The following EGFLAM variants were observed in gnomAD, a reference collection of about 807,000 sequenced individuals.
EGFLAM encodes pikachurin.
In EGFLAM, 79 loss-of-function variants were observed where a neutral mutation model predicts 113.1. The ratio of observed to expected loss-of-function variants is 0.70; its 90% CI spans 0.58 to 0.84. The LOEUF is 0.84. Among genes scored for constraint, EGFLAM ranks in the 40% least tolerant of loss-of-function variants. The probability of loss-of-function intolerance (pLI) is 0.00; values close to 1 mark genes in which losing one functional copy is unlikely to be tolerated. For missense variants in EGFLAM, 1,265 were observed against 1,291.6 expected, an observed-to-expected ratio of 0.98 and a Z score of 0.32; for synonymous variants, 504 against 487.6, an observed-to-expected ratio of 1.03 and a Z score of -0.44.
At chr5:38,302,239 A>G (rs1349504011) in intron 1 of EGFLAM, among the ~76,000 whole-genome samples, 1 of 147,870 alleles carries the variant, frequency 6.8e-6, no homozygotes, top group Non-Finnish European at 1.5e-5. Context: ...TCCATCTCAA[A>G]AAAAAAAAAA....
At chr5:38,290,113 G>A (rs1291755439) in intron 1 of EGFLAM, among the ~76,000 whole-genome samples, 1 of 152,110 alleles carries the variant, frequency 6.6e-6, no homozygotes, top group Non-Finnish European at 1.5e-5. Flanking sequence ...ATGAAGACTT[G>A]GGTGCCAGGA....
intron 18 of EGFLAM, among the ~76,000 whole-genome samples, chr5:38,449,668 G>A (rs763765495): frequency 9.4e-5 from 14 of 149,622 alleles, no homozygotes; most frequent in Admixed American, 5.3e-4. Flanking sequence ...GTGTGTGTGC[G>A]CATGCATGTG....
chr5:38,385,888 C>T (rs1378009367), intron 6 of EGFLAM, among the ~76,000 whole-genome samples: 1 of 152,178 alleles, frequency 6.6e-6, no homozygotes, highest in African/African-American at 2.4e-5. Flanking sequence ...TAGAGTTGTA[C>T]TTAGACAAAC....
chr5:38,366,610 A>C (rs528361648), intron 5 of EGFLAM, among the ~76,000 whole-genome samples: 1 of 152,306 alleles, frequency 6.6e-6, no homozygotes, highest in African/African-American at 2.4e-5. Flanking sequence ...CACCACAAGA[A>C]AGAATTAAAA....
chr5:38,297,346 G>A (rs552536542), intron 1 of EGFLAM, among the ~76,000 whole-genome samples: 57 of 152,212 alleles, frequency 3.7e-4, no homozygotes, highest in African/African-American at 1.3e-3. Flanking sequence ...ATTGAGAGAG[G>A]TCAGGGATCT....
rs559744950 is a variant in EGFLAM, at chr5:38,336,321, C to G, written c.98-1199C>G. ...GGGTGCGGTGGCTCACGCCTGTAAT[C>G]CCAGCACTTTGGGAGGCCAAGGCGG... is the stretch of plus-strand genomic sequence containing the variant. On this transcript the variant is annotated intron_variant, in intron 1 of 21. Coordinates refer to ENST00000322350, the MANE Select transcript of EGFLAM (RefSeq NM_152403.4). Among the ~76,000 whole-genome samples the G allele has an allele frequency of 3.9e-5, 6 of 152,218 alleles. No individual in the cohort carries two copies. The South Asian group carries it at 1.2e-3, about 32-fold the overall frequency.
intron 1 of EGFLAM, among the ~76,000 whole-genome samples, chr5:38,315,516 T>A (rs1738569879): frequency 6.6e-6 from 1 of 152,216 alleles, no homozygotes; most frequent in Non-Finnish European, 1.5e-5. Context: ...CTTTCTCAAT[T>A]CATCATAAGA....
intron 1 of EGFLAM, among the ~76,000 whole-genome samples, chr5:38,331,939 A>G (rs1739053493): frequency 6.6e-6 from 1 of 152,204 alleles, no homozygotes; most frequent in Admixed American, 6.5e-5. Flanking sequence ...CTTTGGGTAA[A>G]TACTAACGAG....
chr5:38,445,836 G>A (rs956412518), intron 17 of EGFLAM: 5 of 983,492 alleles, frequency 5.1e-6, no homozygotes, highest in Non-Finnish European at 8.0e-6. Flanking sequence ...CCTCCCCGCC[G>A]GCCAGCCAGA....
At chr5:38,433,094 G>C (rs115241728) in intron 15 of EGFLAM, among the ~76,000 whole-genome samples, 190 of 152,324 alleles carry the variant, frequency 1.2e-3, no homozygotes, top group Non-Finnish European at 1.9e-3. Context: ...CCTTCATCAA[G>C]TCTTTTCCAC....
chr5:38,447,562 C>T (rs1017805564), intron 17 of EGFLAM, among the ~76,000 whole-genome samples: 48 of 152,016 alleles, frequency 3.2e-4, no homozygotes, highest in African/African-American at 1.2e-3. Flanking sequence ...TCGAGACCAG[C>T]CTGGCCAATG....
At chr5:38,282,237 T>A (rs1758037193) in intron 1 of EGFLAM, 1 of 152,252 alleles carries the variant, frequency 6.6e-6, no homozygotes, top group South Asian at 2.1e-4. Context: ...AGTTTGGATT[T>A]CCCAGAAACA....
At chr5:38,410,845 G>C (rs924418365) in intron 10 of EGFLAM, among the ~76,000 whole-genome samples, 16 of 152,292 alleles carry the variant, frequency 1.1e-4, no homozygotes, top group Non-Finnish European at 1.8e-4. Context: ...TGAAGACCTG[G>C]ATTTTTATAT....
At chr5:38,317,864 T>A (rs1738641253) in intron 1 of EGFLAM, among the ~76,000 whole-genome samples, 1 of 152,198 alleles carries the variant, frequency 6.6e-6, no homozygotes, top group Non-Finnish European at 1.5e-5. Flanking sequence ...GGGAAGTTGC[T>A]TCCTAAGGCA....
chr5:38,445,766 T>A lies in EGFLAM; in HGVS notation c.2465-2535T>A, dbSNP rs1234697997. Reference sequence around the variant, plus strand: ...TCTGGGCTGGGGCAGGCCAACCGCATGCAGGGGGACCCGGGGTGAGTGGTG... The same window carrying A: ...TCTGGGCTGGGGCAGGCCAACCGCAAGCAGGGGGACCCGGGGTGAGTGGTG... On this transcript the variant is annotated intron_variant, in intron 17 of 21. Transcript: ENST00000322350. The A allele has an allele frequency of 9.7e-6, 15 of 1,543,344 alleles. No individual in the cohort carries two copies. The Admixed American group carries it at 1.5e-4, about 15-fold the overall frequency.
At chr5:38,389,024 T>C (rs1740744886) in intron 6 of EGFLAM, among the ~76,000 whole-genome samples, 1 of 151,970 alleles carries the variant, frequency 6.6e-6, no homozygotes. Flanking sequence ...GTATAAAGAA[T>C]ATTGAGTGTT....
At chr5:38,327,352 A>G (rs2111913001) in intron 1 of EGFLAM, among the ~76,000 whole-genome samples, 1 of 152,320 alleles carries the variant, frequency 6.6e-6, no homozygotes, top group South Asian at 2.1e-4. Flanking sequence ...ATGTAAAAAT[A>G]TTTTTGAAAG....
chr5:38,419,010 C>A (rs1741744928), intron 12 of EGFLAM, among the ~76,000 whole-genome samples: 1 of 152,166 alleles, frequency 6.6e-6, no homozygotes, highest in African/African-American at 2.4e-5. Context: ...AGTCCCAGAT[C>A]AAGGTGCCAG....
intron 20 of EGFLAM, among the ~76,000 whole-genome samples, chr5:38,459,306 CTT>C (rs112663041): frequency 2.8e-4 from 40 of 145,334 alleles, no homozygotes; most frequent in African/African-American, 7.7e-4. Flanking sequence ...CACCTGGCCA[CTT>C]TTTTTTTTTT....
Sources: allele counts gnomAD v4.1 joint callset (sites outside exome capture counted in the v4.1 genomes callset), GRCh38; gene constraint gnomAD v4.1.1; transcripts MANE v1.5; gene names NCBI Gene and HGNC (gene_info 2026-07-23, HGNC 2026-07-21).